The following MECOM variants were observed in gnomAD, a reference collection of about 807,000 sequenced individuals.
MECOM encodes histone-lysine N-methyltransferase MECOM.
MECOM carries 13 observed loss-of-function variants against 116.3 expected under a neutral mutation model. That is an observed-to-expected ratio of 0.11 (90% CI 0.07 to 0.18). MECOM has a LOEUF of 0.18. MECOM is among the 10% of genes least tolerant of loss of function. The probability of loss-of-function intolerance (pLI) is 1.00; values close to 1 mark genes in which losing one functional copy is unlikely to be tolerated. For missense variants in MECOM, 1,299 were observed against 1,509.0 expected (o/e 0.86, Z 2.31); for synonymous variants, 528 against 535.2 (o/e 0.99, Z 0.19).
At chr3:169,213,768 G>T (rs1041002887) in intron 2 of MECOM, among the ~76,000 whole-genome samples, 1 of 152,006 alleles carries the variant, frequency 6.6e-6, no homozygotes, top group Non-Finnish European at 1.5e-5. Flanking sequence ...CAATATATTT[G>T]CCCAGAGAAA....
rs1219679193 is a variant in MECOM at position 169,423,992 on chromosome 3, T to A, written c.38-42468A>T. 2.6e-5 allele frequency among the ~76,000 whole-genome samples: 4 copies of A among 152,164 alleles called. No individual in the cohort carries two copies. The East Asian group carries it at 7.7e-4, about 29-fold the overall frequency. On this transcript the variant is annotated intron_variant, in intron 1 of 16. Coordinates refer to ENST00000651503, the MANE Select transcript of MECOM (RefSeq NM_004991.4). ...TGGATGATATTTACTCAGTTTCCGA[T>A]GGTCCCAGAGATTTAGTCTAAGATG... is the stretch of plus-strand genomic sequence containing the variant.
At chr3:169,570,615 GCAGTA>G (rs1200943075) in intron 1 of MECOM, among the ~76,000 whole-genome samples, 6 of 152,256 alleles carry the variant, frequency 3.9e-5, no homozygotes, top group Non-Finnish European at 8.8e-5. Context: ...ACTGAATCCA[GCAGTA>G]CATTAAAAAG....
At chr3:169,618,317 C>T (rs909424447) in intron 1 of MECOM, among the ~76,000 whole-genome samples, 1 of 152,156 alleles carries the variant, frequency 6.6e-6, no homozygotes, top group African/African-American at 2.4e-5. Context: ...TTCATAATGG[C>T]CCAGTAGCTT....
chr3:169,259,601 C>T (rs1224034049), intron 2 of MECOM, among the ~76,000 whole-genome samples: 1 of 152,240 alleles, frequency 6.6e-6, no homozygotes, highest in African/African-American at 2.4e-5. Flanking sequence ...CAGTGGCACA[C>T]ACCTGTAGTT....
At chr3:169,231,838 T>C (rs1286743704) in intron 2 of MECOM, among the ~76,000 whole-genome samples, 1 of 152,174 alleles carries the variant, frequency 6.6e-6, no homozygotes, top group Non-Finnish European at 1.5e-5. Flanking sequence ...ATTCATTGTT[T>C]AATGAAGTAA....
Position 169,308,602 on chromosome 3 carries a change from A to C in MECOM, c.375+72585T>G, listed in dbSNP as rs77498800. ...ATTTAAAGCCACTGCATATAACTTC[A>C]TGCATTGTAACAAAATTTATTTGTC... On this transcript the variant is annotated intron_variant, in intron 2 of 16. Coordinates refer to ENST00000651503, the MANE Select transcript of MECOM (RefSeq NM_004991.4). Among the ~76,000 whole-genome samples, 243 of 152,360 alleles carry C rather than the reference A, an allele frequency of 1.6e-3. 5 individuals carry two copies. The East Asian group carries it at 0.044, about 28-fold the overall frequency.
At chr3:169,330,868 C>A (rs1360047757) in intron 2 of MECOM, among the ~76,000 whole-genome samples, 1 of 151,742 alleles carries the variant, frequency 6.6e-6, no homozygotes, top group Non-Finnish European at 1.5e-5. Flanking sequence ...TATGCACAGA[C>A]CCTAAATTTA....
intron 1 of MECOM, among the ~76,000 whole-genome samples, chr3:169,388,254 T>C (rs1378783059): frequency 6.6e-6 from 1 of 152,176 alleles, no homozygotes; most frequent in East Asian, 1.9e-4. Context: ...AAACTGGACA[T>C]GCTCTTCTTC....
intron 1 of MECOM, among the ~76,000 whole-genome samples, chr3:169,415,595 C>A (rs941325391): frequency 7.2e-5 from 11 of 151,804 alleles, no homozygotes; most frequent in African/African-American, 2.7e-4. Context: ...CAAATTGGAT[C>A]AAGAGTCAAG....
chr3:169,418,375 G>A (rs897670368), intron 1 of MECOM, among the ~76,000 whole-genome samples: 1 of 152,206 alleles, frequency 6.6e-6, no homozygotes, highest in Non-Finnish European at 1.5e-5. Context: ...TAGAAAAAGA[G>A]GGACTCCTCC....
At chr3:169,472,275 A>G (rs945865744) in intron 1 of MECOM, among the ~76,000 whole-genome samples, 1 of 138,022 alleles carries the variant, frequency 7.2e-6, no homozygotes. Context: ...AATATTGTGT[A>G]AAAAAAAAAA....
intron 1 of MECOM, among the ~76,000 whole-genome samples, chr3:169,390,083 C>A (rs1232653700): frequency 6.6e-6 from 1 of 152,074 alleles, no homozygotes; most frequent in Non-Finnish European, 1.5e-5. Context: ...GTTGCTGAAC[C>A]CTGGAGTAAC....
At chr3:169,634,082 A>G (rs1772427275) in intron 1 of MECOM, among the ~76,000 whole-genome samples, 1 of 152,146 alleles carries the variant, frequency 6.6e-6, no homozygotes, top group African/African-American at 2.4e-5. Context: ...AGCAGGAGCA[A>G]GAGCACTGAG....
chr3:169,532,115 C>T (rs1241539587), intron 1 of MECOM, among the ~76,000 whole-genome samples: 1 of 152,202 alleles, frequency 6.6e-6, no homozygotes, highest in African/African-American at 2.4e-5. Context: ...CAATTGTTAT[C>T]CCACTTTCCC....
intron 1 of MECOM, among the ~76,000 whole-genome samples, chr3:169,614,631 A>G (rs1389929204): frequency 6.6e-6 from 1 of 152,062 alleles, no homozygotes; most frequent in African/African-American, 2.4e-5. Flanking sequence ...ACAACCATGT[A>G]TTATGTAATT....
At chr3:169,262,354 G>A (rs1757676120) in intron 2 of MECOM, among the ~76,000 whole-genome samples, 3 of 152,164 alleles carry the variant, frequency 2.0e-5, no homozygotes, top group South Asian at 2.1e-4. Context: ...CAGCTAAAAT[G>A]TCTCCTCTGG....
intron 3 of MECOM, among the ~76,000 whole-genome samples, chr3:169,142,940 C>T (rs911244159): frequency 6.6e-6 from 1 of 151,836 alleles, no homozygotes; most frequent in African/African-American, 2.4e-5. Flanking sequence ...TAAATTCTAG[C>T]TCAACAATGT....
At chr3:169,239,695 T>C (rs1850281) in intron 2 of MECOM, among the ~76,000 whole-genome samples, 34,128 of 151,994 alleles carry the variant, frequency 0.22, 4,067 homozygotes, top group African/African-American at 0.3. Flanking sequence ...ATTAATGTAA[T>C]CCAAGAAATT....
At chr3:169,573,988 C>G (rs756714499) in intron 1 of MECOM, among the ~76,000 whole-genome samples, 8 of 152,090 alleles carry the variant, frequency 5.3e-5, no homozygotes, top group Non-Finnish European at 7.4e-5. Flanking sequence ...GCTGAACAGA[C>G]AGTATGTATG....
Sources: allele counts gnomAD v4.1 joint callset (sites outside exome capture counted in the v4.1 genomes callset), GRCh38; gene constraint gnomAD v4.1.1; transcripts MANE v1.5; gene names NCBI Gene and HGNC (gene_info 2026-07-23, HGNC 2026-07-21).